EXOC6B: variants seen among roughly 807,000 people sequenced by gnomAD.
EXOC6B encodes the protein exocyst complex component 6B.
In EXOC6B, 54 loss-of-function variants were observed where a neutral mutation model predicts 113.5. That is an observed-to-expected ratio of 0.48 (90% CI 0.38 to 0.60). The LOEUF (loss-of-function observed/expected upper bound fraction) is 0.60, where lower values mean the gene tolerates loss of function less well. Ranked by LOEUF, EXOC6B falls within the 20% of genes least tolerant of loss-of-function variation. The pLI, the probability that EXOC6B is intolerant of heterozygous loss-of-function variation, is 0.00. For missense variants in EXOC6B, 797 were observed against 977.5 expected (o/e 0.82, Z 2.46); for synonymous variants, 357 against 339.0 (o/e 1.05, Z -0.58).
chr2:72,659,353 C>T (rs1674837208), intron 6 of EXOC6B, among the ~76,000 whole-genome samples: 1 of 152,026 alleles, frequency 6.6e-6, no homozygotes, highest in South Asian at 2.1e-4. Flanking sequence ...AAAAGAAGAC[C>T]CCTAATCTCT....
Position 72,516,336 on chromosome 2 carries a change from C to A in EXOC6B, c.916-1210G>T, listed in dbSNP as rs1701211932. On this transcript the variant is annotated intron_variant, in intron 8 of 21. Transcript: ENST00000272427. The stretch of plus-strand genomic sequence containing the variant: ...AGTCTCGGCTCACTGCAACCTCTGC[C>A]TTCTGTGTTCAAGAGATTCTCCTGC... Among the ~76,000 whole-genome samples the A allele has an allele frequency of 2.0e-5, 3 of 152,166 alleles. No homozygotes were observed. The South Asian group carries it at 6.2e-4, about 31-fold the overall frequency.
intron 6 of EXOC6B, among the ~76,000 whole-genome samples, chr2:72,583,816 G>A (rs1451789774): frequency 6.6e-6 from 1 of 152,080 alleles, no homozygotes; most frequent in Non-Finnish European, 1.5e-5. Flanking sequence ...CACCTCCTGG[G>A]TTCAAGCTAT....
rs529671221 is a variant in EXOC6B, at chr2:72,587,940, C to T, written c.670-12272G>A. Among the ~76,000 whole-genome samples the T allele has an allele frequency of 1.5e-4, 23 of 152,062 alleles. No individual in the cohort carries two copies. In the East Asian group the frequency reaches 4.4e-3, roughly 29 times the overall value. On this transcript the variant is annotated intron_variant, in intron 6 of 21. Transcript: ENST00000272427. ...CAACAAAAATATGAACAGATGTCAA[C>T]ATCACCAATCATTAGAGAATACAAG...
At chr2:72,694,344 A>T (rs1209957700) in intron 6 of EXOC6B, among the ~76,000 whole-genome samples, 1 of 152,200 alleles carries the variant, frequency 6.6e-6, no homozygotes, top group Non-Finnish European at 1.5e-5. Context: ...CAGGAAACTG[A>T]GGCAGGAGAA....
At chr2:72,389,753 C>A (rs1573013358) in intron 18 of EXOC6B, among the ~76,000 whole-genome samples, 1 of 152,198 alleles carries the variant, frequency 6.6e-6, no homozygotes, top group East Asian at 1.9e-4. Flanking sequence ...AGTATCTAGT[C>A]ATTTCATCAC....
rs556804255 is a variant in EXOC6B at position 72,510,518 on chromosome 2, T to A, written c.1167+2614A>T. The stretch of plus-strand genomic sequence containing the variant: ...CAAATGAATCAATTAAAAATAATAA[T>A]ATAATCCTACAATGCAATATTATAT... On this transcript the variant is annotated intron_variant, in intron 11 of 21. Transcript: ENST00000272427. Among the ~76,000 whole-genome samples the A allele has an allele frequency of 3.3e-5, 5 of 151,606 alleles. No homozygotes were observed. In the East Asian group the frequency reaches 7.7e-4, roughly 23 times the overall value.
At chr2:72,363,597 CTGATGATGA>C (rs565740332) in intron 19 of EXOC6B, among the ~76,000 whole-genome samples, 4 of 151,370 alleles carry the variant, frequency 2.6e-5, no homozygotes, top group South Asian at 4.2e-4. Context: ...ACTGCTGCTA[CTGATGATGA>C]TGATGATGAT....
At chr2:72,754,154 TG>T (rs1003728963) in intron 1 of EXOC6B, among the ~76,000 whole-genome samples, 2 of 152,070 alleles carry the variant, frequency 1.3e-5, no homozygotes, top group Non-Finnish European at 2.9e-5. Flanking sequence ...CCCAAAATAC[TG>T]GGATTACAGG....
chr2:72,746,346 T>C (rs1390123783), intron 1 of EXOC6B, among the ~76,000 whole-genome samples: 2 of 152,224 alleles, frequency 1.3e-5, no homozygotes, highest in African/African-American at 2.4e-5. Flanking sequence ...AAACTTTTTA[T>C]AGCCTAAATT....
rs1381222385 is a variant in EXOC6B, at chr2:72,357,382, G to A, written c.2122+22347C>T. Reference sequence around the variant, plus strand: ...TCAACAATCAATTGTATATATGATGGTGGTCCCATAAGATTATAATGGAAC... The same window carrying A: ...TCAACAATCAATTGTATATATGATGATGGTCCCATAAGATTATAATGGAAC... On this transcript the variant is annotated intron_variant, in intron 19 of 21. Coordinates refer to ENST00000272427, the MANE Select transcript of EXOC6B (RefSeq NM_015189.3). Among the ~76,000 whole-genome samples the A allele has an allele frequency of 4.6e-5, 7 of 152,052 alleles. No individual in the cohort carries two copies. In the East Asian group the frequency reaches 1.3e-3, roughly 29 times the overall value.
intron 18 of EXOC6B, among the ~76,000 whole-genome samples, chr2:72,421,835 C>T (rs560688461): frequency 4.1e-4 from 62 of 152,316 alleles, no homozygotes; most frequent in Admixed American, 1.1e-3. Context: ...GAGGGAGAGG[C>T]GCGAGCGGGA....
intron 8 of EXOC6B, among the ~76,000 whole-genome samples, chr2:72,557,731 A>C (rs1270668731): frequency 6.6e-6 from 1 of 152,140 alleles, no homozygotes; most frequent in African/African-American, 2.4e-5. Context: ...GGGTAATGAA[A>C]TAATCTATAC....
At chr2:72,551,422 T>A (rs1164733511) in intron 8 of EXOC6B, among the ~76,000 whole-genome samples, 3 of 152,086 alleles carry the variant, frequency 2.0e-5, no homozygotes, top group Non-Finnish European at 4.4e-5. Flanking sequence ...GGTCTCGATC[T>A]CTTGACCTTG....
chr2:72,317,559 TCACACACACACA>T (rs72124979), intron 20 of EXOC6B, among the ~76,000 whole-genome samples: 14 of 140,690 alleles, frequency 1.0e-4, no homozygotes, highest in East Asian at 6.4e-4. Context: ...TATGAACACA[TCACACACACACA>T]CACACACACA....
intron 18 of EXOC6B, among the ~76,000 whole-genome samples, chr2:72,453,928 A>T (rs1260728033): frequency 6.6e-6 from 1 of 152,218 alleles, no homozygotes; most frequent in Non-Finnish European, 1.5e-5. Context: ...GGAAACTCAC[A>T]ATCATGGCAG....
In EXOC6B at chr2:72,336,021, C is replaced by T. The variant is rs377378299; in HGVS notation, c.2123-1001G>A. Reference sequence around the variant, plus strand: ...ATCAAAAGGTCTTAAGTTCCCTATACACACACACATACACACACACACCAA... The same window carrying T: ...ATCAAAAGGTCTTAAGTTCCCTATATACACACACATACACACACACACCAA... On this transcript the variant is annotated intron_variant, in intron 19 of 21. Transcript: ENST00000272427. Among the ~76,000 whole-genome samples the T allele has an allele frequency of 1.2e-4, 19 of 152,068 alleles. 1 individual carries two copies. Among genetic ancestry groups the T allele is most frequent in the African/African-American group, 4.3e-4 (18 of 41,490 alleles).
At chr2:72,533,812 G>A (rs1348149820) in intron 8 of EXOC6B, among the ~76,000 whole-genome samples, 1 of 152,066 alleles carries the variant, frequency 6.6e-6, no homozygotes, top group African/African-American at 2.4e-5. Flanking sequence ...AGTACCTTCA[G>A]AATGTATCAT....
intron 1 of EXOC6B, among the ~76,000 whole-genome samples, chr2:72,803,041 C>T (rs2105091155): frequency 6.6e-6 from 1 of 152,214 alleles, no homozygotes; most frequent in Middle Eastern, 3.4e-3. Flanking sequence ...ATTGTTAGTG[C>T]CACATACATC....
intron 18 of EXOC6B, chr2:72,463,067 A>C (rs1697802118): frequency 6.6e-6 from 1 of 152,144 alleles, no homozygotes; most frequent in Non-Finnish European, 1.5e-5. Context: ...CTCACCTAGT[A>C]ATATGATAAA....
Sources: gnomAD v4.1 joint callset for allele counts (sites outside exome capture counted in the v4.1 genomes callset) on GRCh38, gnomAD v4.1.1 for gene constraint, MANE v1.5 for transcripts, NCBI Gene and HGNC (gene_info 2026-07-23, HGNC 2026-07-21) for gene names.